SEMA3D: variants seen among roughly 807,000 people sequenced by gnomAD.
SEMA3D encodes semaphorin 3D, also known as semaphorin-3D.
In SEMA3D, 84 loss-of-function variants were observed where a neutral mutation model predicts 100.1. That is an observed-to-expected ratio of 0.84 (90% CI 0.70 to 1.01). SEMA3D has a LOEUF of 1.01. Ranked by LOEUF, SEMA3D falls within the 50% of genes least tolerant of loss-of-function variation. The pLI, the probability that SEMA3D is intolerant of heterozygous loss-of-function variation, is 0.00. For missense variants in SEMA3D, 875 were observed against 934.1 expected, an observed-to-expected ratio of 0.94 and a Z score of 0.82; for synonymous variants, 312 against 320.7, an observed-to-expected ratio of 0.97 and a Z score of 0.29.
chr7:85,059,946 T>C (rs912697576), intron 8 of SEMA3D, among the ~76,000 whole-genome samples: 2 of 152,202 alleles, frequency 1.3e-5, no homozygotes, highest in Non-Finnish European at 2.9e-5. Flanking sequence ...CTATTTGAAA[T>C]GGCCAATAGG....
At chr7:85,095,464 G>C (rs1398329478) in intron 4 of SEMA3D, among the ~76,000 whole-genome samples, 1 of 151,848 alleles carries the variant, frequency 6.6e-6, no homozygotes, top group Non-Finnish European at 1.5e-5. Flanking sequence ...ATATGTTGTA[G>C]ATTGCTTTAA....
upstream of SEMA3D, among the ~76,000 whole-genome samples, chr7:85,191,251 CTA>C (rs1791688770): frequency 6.6e-6 from 1 of 152,028 alleles, no homozygotes; most frequent in Admixed American, 6.6e-5. Flanking sequence ...ATATAGGAGT[CTA>C]TATGGTTGTT....
chr7:85,015,587 C>T (rs971688450), intron 15 of SEMA3D, among the ~76,000 whole-genome samples: 4 of 151,830 alleles, frequency 2.6e-5, no homozygotes, highest in African/African-American at 9.7e-5. Context: ...CTTCCCAAGA[C>T]TTCCCATGGC....
chr7:85,153,605 C>T lies in SEMA3D; in HGVS notation c.-41+3G>A, dbSNP rs1326187563. The T allele has an allele frequency of 1.3e-5, 2 of 151,798 alleles. No homozygotes were observed. Among genetic ancestry groups the T allele is most frequent in the African/African-American group, 4.8e-5 (2 of 41,320 alleles). 9.4% of individuals were successfully genotyped at this position (151,798 alleles called of 1,614,324 possible). ...TTGAGGTTTATTTAAGAGATTGGCT[C>T]ACATAATTATTGAGGCTGATGAGTC... On this transcript the variant is annotated splice_donor_region_variant and intron_variant, in intron 2 of 18. Transcript: ENST00000284136.
chr7:85,001,280 TTTTG>T (rs751778969), intron 18 of SEMA3D, among the ~76,000 whole-genome samples: 6 of 152,104 alleles, frequency 3.9e-5, no homozygotes, highest in African/African-American at 9.7e-5. Context: ...ACCATCAGAG[TTTTG>T]TTTGTTTGTT....
At chr7:85,043,600 G>A (rs571611033) in intron 9 of SEMA3D, among the ~76,000 whole-genome samples, 187 of 151,962 alleles carry the variant, frequency 1.2e-3, no homozygotes, top group African/African-American at 4.3e-3. Flanking sequence ...TCTGTGTCCC[G>A]ACCCAAATCT....
intron 2 of SEMA3D, among the ~76,000 whole-genome samples, chr7:85,129,545 C>T (rs1789666479): frequency 6.6e-6 from 1 of 152,000 alleles, no homozygotes; most frequent in African/African-American, 2.4e-5. Context: ...TAGTTGCCAA[C>T]ATGTAAAAAT....
intron 2 of SEMA3D, among the ~76,000 whole-genome samples, chr7:85,124,520 A>G (rs1376080280): frequency 6.6e-6 from 1 of 152,118 alleles, no homozygotes; most frequent in Non-Finnish European, 1.5e-5. Flanking sequence ...ATTATACACA[A>G]TAAAGTACCA....
chr7:85,179,569 A>C (rs192281240), intron 1 of SEMA3D, among the ~76,000 whole-genome samples: 1 of 152,024 alleles, frequency 6.6e-6, no homozygotes, highest in South Asian at 2.1e-4. Flanking sequence ...CCTGTACCCC[A>C]ATTATATTTT....
Position 85,119,566 on chromosome 7 carries a change from C to T in SEMA3D, c.151+2175G>A, listed in dbSNP as rs901541531. Among the ~76,000 whole-genome samples, 10 of 152,036 alleles carry T rather than the reference C, an allele frequency of 6.6e-5. No individual in the cohort carries two copies. The South Asian group carries it at 8.3e-4, about 13-fold the overall frequency. On this transcript the variant is annotated intron_variant, in intron 3 of 18. Coordinates refer to ENST00000284136, the MANE Select transcript of SEMA3D (RefSeq NM_001384900.1). Reference sequence around the variant, plus strand: ...AAGTGGGAACTAACCAATGACAACACGTGGACACCTAGAGGGGAATAATAC... The same window carrying T: ...AAGTGGGAACTAACCAATGACAACATGTGGACACCTAGAGGGGAATAATAC...
chr7:85,157,218 A>G (rs1425278250), intron 1 of SEMA3D, among the ~76,000 whole-genome samples: 1 of 152,214 alleles, frequency 6.6e-6, no homozygotes. Flanking sequence ...AAGAAAGTCA[A>G]TACTAAAAAT....
In SEMA3D at chr7:85,018,235, C is replaced by T. The variant is rs371494852; in HGVS notation, c.1545+17G>A. 2 of 1,539,538 alleles carry T rather than the reference C, an allele frequency of 1.3e-6. No homozygotes were observed. The highest frequency in any genetic ancestry group is 3.4e-5 in the Admixed American group (2 of 59,340). Reference sequence around the variant, plus strand: ...ATTGCTTTTGTGATTAACTTTCATACAAAAGTTAAAAAGTACCTGCTTCAG... The same window carrying T: ...ATTGCTTTTGTGATTAACTTTCATATAAAAGTTAAAAAGTACCTGCTTCAG... On this transcript the variant is annotated intron_variant, in intron 15 of 18. Transcript: ENST00000284136.
At chr7:85,094,757 C>A (rs543213378) in intron 4 of SEMA3D, among the ~76,000 whole-genome samples, 1 of 151,992 alleles carries the variant, frequency 6.6e-6, no homozygotes, top group Non-Finnish European at 1.5e-5. Flanking sequence ...TCTTTCCAGA[C>A]CCCGTCCCAG....
Position 85,073,055 on chromosome 7 carries a change from T to G in SEMA3D, c.402A>C (p.Val134=). The change falls in exon 6 of 19, where the codon GTA becomes GTC. Residue 134 remains valine (V), a synonymous_variant. Transcript: ENST00000284136. ...TGTGAGTTTTGTTATAGGGCTGAAG[T>G]ACTCTGATGAAATTTGCACATTCTG... is the stretch of plus-strand genomic sequence containing the variant. ...ANTECANFIR[V]LQPYNKTHIY... 1 of 1,612,490 alleles carries G rather than the reference T, an allele frequency of 6.2e-7. No homozygotes were observed. The highest frequency in any genetic ancestry group is 2.2e-5 in the East Asian group (1 of 44,816).
chr7:85,113,316 G>T (rs1789144639), intron 3 of SEMA3D, among the ~76,000 whole-genome samples: 1 of 152,072 alleles, frequency 6.6e-6, no homozygotes, highest in South Asian at 2.1e-4. Context: ...AAATATGCGA[G>T]AATTCGCCAC....
chr7:85,068,189 A>T lies in SEMA3D; in HGVS notation c.589+2T>A. On this transcript the variant is annotated splice_donor_variant, in intron 7 of 18. Coordinates refer to ENST00000284136, the MANE Select transcript of SEMA3D (RefSeq NM_001384900.1). LOFTEE classifies it high-confidence loss of function. ...ATAAGAACTGCCTGTCATTGATCTT[A>T]CCTGTCATTACTGAAGCAAAAGGCT... The T allele has an allele frequency of 6.4e-7, 1 of 1,556,888 alleles. No homozygotes were observed. The highest frequency in any genetic ancestry group is 8.9e-7 in the Non-Finnish European group (1 of 1,127,898).
intron 3 of SEMA3D, among the ~76,000 whole-genome samples, chr7:85,100,198 G>A (rs1435224473): frequency 2.6e-5 from 4 of 151,922 alleles, no homozygotes; most frequent in Admixed American, 2.6e-4. Context: ...CAAATGCATA[G>A]TTATACAAAT....
chr7:85,072,987 T>A lies in SEMA3D; in HGVS notation c.470A>T (p.Tyr157Phe). 1 of 1,609,888 alleles carries A rather than the reference T, an allele frequency of 6.2e-7. No homozygotes were observed. Among genetic ancestry groups the A allele is most frequent in the Non-Finnish European group, 8.5e-7 (1 of 1,177,230 alleles). Residue 157 changes from tyrosine (Y) to phenylalanine (F), a missense_variant, in exon 6 of 19, where the codon TAT (tyrosine) becomes TTT (phenylalanine). Transcript: ENST00000284136. ...CTCCTTGTAGACTCCAAGATCAATA[T>A]ACCCACATATTGGATGAAATGCTCC... ...GTGAFHPICG[Y>F]IDLGVYKEDI...
the SEMA3D span, among the ~76,000 whole-genome samples, chr7:85,216,523 G>A: frequency 0.015 from 2,282 of 151,964 alleles, 55 homozygotes; most frequent in African/African-American, 0.053. Context: ...GTCTCACCAA[G>A]GAAATTCTGA....
Sources: allele counts gnomAD v4.1 joint callset (sites outside exome capture counted in the v4.1 genomes callset), GRCh38; gene constraint gnomAD v4.1.1; transcripts MANE v1.5; gene names NCBI Gene and HGNC (gene_info 2026-07-23, HGNC 2026-07-21).